Variants in QTMAN observed in about 807,000 individuals in gnomAD.
QTMAN encodes the protein tRNA-queuosine alpha-mannosyltransferase.
chr2:143,984,410 G>A, the QTMAN span, among the ~76,000 whole-genome samples: 2 of 152,134 alleles, frequency 1.3e-5, no homozygotes, highest in South Asian at 2.1e-4. Context: ...GTTCTCTAAG[G>A]GGAAGGGTAC....
chr2:144,164,612 C>A, the QTMAN span, among the ~76,000 whole-genome samples: 1 of 152,072 alleles, frequency 6.6e-6, no homozygotes, highest in South Asian at 2.1e-4. Context: ...CAGATCTTTA[C>A]GCAATAACCA....
the QTMAN span, among the ~76,000 whole-genome samples, chr2:144,273,853 T>G: frequency 6.6e-6 from 1 of 152,108 alleles, no homozygotes; most frequent in Admixed American, 6.5e-5. Context: ...AAGAAATATA[T>G]GGCCGGGCGC....
chr2:144,187,329 C>T, the QTMAN span, among the ~76,000 whole-genome samples: 1 of 152,116 alleles, frequency 6.6e-6, no homozygotes, highest in Non-Finnish European at 1.5e-5. Context: ...GAAATAAAAC[C>T]GAAGAAGCAT....
chr2:144,285,430 C>G, the QTMAN span, among the ~76,000 whole-genome samples: 8 of 152,226 alleles, frequency 5.3e-5, no homozygotes, highest in Admixed American at 2.6e-4. Context: ...CTCTGTTTTA[C>G]AAAACATATC....
chr2:144,013,012 C>T, the QTMAN span, among the ~76,000 whole-genome samples: 2 of 152,054 alleles, frequency 1.3e-5, no homozygotes, highest in Non-Finnish European at 2.9e-5. Context: ...TTGTATCCCT[C>T]AGGCTGGTGT....
chr2:144,203,150 AGT>A, the QTMAN span, among the ~76,000 whole-genome samples: 51,428 of 145,304 alleles, frequency 0.35, 8,851 homozygotes, highest in African/African-American at 0.38. Context: ...TACAATGAAG[AGT>A]GTGTGTGTGT....
the QTMAN span, among the ~76,000 whole-genome samples, chr2:144,170,232 A>G: frequency 6.6e-6 from 1 of 152,206 alleles, no homozygotes; most frequent in Non-Finnish European, 1.5e-5. Flanking sequence ...ATAATTCTAA[A>G]CATTCCTTTG....
At chr2:144,165,955 T>G in the QTMAN span, among the ~76,000 whole-genome samples, 1 of 152,222 alleles carries the variant, frequency 6.6e-6, no homozygotes, top group Middle Eastern at 3.4e-3. Context: ...AAAGTCTACC[T>G]TCCCAACAAG....
chr2:144,051,845 A>G, the QTMAN span, among the ~76,000 whole-genome samples: 3 of 152,184 alleles, frequency 2.0e-5, no homozygotes, highest in Non-Finnish European at 4.4e-5. Flanking sequence ...TCTAGATGGG[A>G]AGGAATGGCT....
chr2:144,108,089 T>C, the QTMAN span, among the ~76,000 whole-genome samples: 74 of 152,308 alleles, frequency 4.9e-4, no homozygotes, highest in African/African-American at 1.6e-3. Context: ...AAATTAGGTA[T>C]TGACGGGATG....
the QTMAN span, among the ~76,000 whole-genome samples, chr2:144,332,214 G>A: frequency 6.6e-6 from 1 of 151,838 alleles, no homozygotes; most frequent in Non-Finnish European, 1.5e-5. Flanking sequence ...TGCGGACGGC[G>A]GCGCAGGGAG....
the QTMAN span, among the ~76,000 whole-genome samples, chr2:144,068,799 C>T: frequency 1.3e-5 from 2 of 152,166 alleles, no homozygotes; most frequent in African/African-American, 2.4e-5. Context: ...ATTTTGCAGT[C>T]ATCTTGTGAA....
the QTMAN span, among the ~76,000 whole-genome samples, chr2:144,251,296 G>A: frequency 1.3e-5 from 2 of 152,082 alleles, no homozygotes; most frequent in African/African-American, 4.8e-5. Flanking sequence ...TAATTACACA[G>A]TAATCAAGAC....
chr2:144,184,515 G>C, the QTMAN span, among the ~76,000 whole-genome samples: 2 of 152,054 alleles, frequency 1.3e-5, no homozygotes, highest in African/African-American at 4.8e-5. Flanking sequence ...AAACAATATG[G>C]AATTTTCTAT....
chr2:144,299,672 A>G, the QTMAN span, among the ~76,000 whole-genome samples: 1 of 152,242 alleles, frequency 6.6e-6, no homozygotes, highest in Non-Finnish European at 1.5e-5. Flanking sequence ...ATCCGTGTAC[A>G]CTGCTGGTGG....
the QTMAN span, chr2:144,317,479 CTTACA>C: frequency 2.0e-5 from 3 of 151,956 alleles, no homozygotes; most frequent in African/African-American, 4.8e-5. Flanking sequence ...ACACCCTTAC[CTTACA>C]TTAATTTTTC....
chr2:144,027,072 CT>C, the QTMAN span, among the ~76,000 whole-genome samples: 1 of 152,184 alleles, frequency 6.6e-6, no homozygotes, highest in African/African-American at 2.4e-5. Context: ...GATGATCCTC[CT>C]GTTCAGTTTG....
chr2:144,035,007 G>C, the QTMAN span, among the ~76,000 whole-genome samples: 1 of 152,176 alleles, frequency 6.6e-6, no homozygotes, highest in Non-Finnish European at 1.5e-5. Flanking sequence ...ATATAGTTTG[G>C]AAATTTGTCC....
At chr2:144,057,293 C>T in the QTMAN span, among the ~76,000 whole-genome samples, 2 of 152,188 alleles carry the variant, frequency 1.3e-5, no homozygotes, top group African/African-American at 4.8e-5. Flanking sequence ...TCCTTCCATC[C>T]AACCATCCAT....
Sources: gnomAD v4.1 joint callset for allele counts (sites outside exome capture counted in the v4.1 genomes callset) on GRCh38, gnomAD v4.1.1 for gene constraint, MANE v1.5 for transcripts, NCBI Gene and HGNC (gene_info 2026-07-23, HGNC 2026-07-21) for gene names.